Variants in BANK1 observed in about 807,000 individuals in gnomAD.
The protein encoded by BANK1 is B-cell scaffold protein with ankyrin repeats.
A neutral mutation model predicts 94.5 loss-of-function variants in BANK1; 95 were observed. That is an observed-to-expected ratio of 1.00 (90% confidence interval 0.85 to 1.19). BANK1 has a LOEUF of 1.19. Among genes scored for constraint, BANK1 ranks in the 50% most tolerant of loss-of-function variants. The pLI is 0.00. For missense variants in BANK1, 987 were observed against 932.2 expected (o/e 1.06, Z -0.77); for synonymous variants, 334 against 308.4 (o/e 1.08, Z -0.87).
At chr4:101,986,869 G>GTATA (rs1560668331) in intron 7 of BANK1, among the ~76,000 whole-genome samples, 1 of 26,910 alleles carries the variant, frequency 3.7e-5, no homozygotes, top group East Asian at 6.2e-4. Flanking sequence ...ATATATATGT[G>GTATA]TGTATGTGTG....
Position 101,895,475 on chromosome 4 carries a change from T to A in BANK1, c.1009+65T>A. 4.0e-6 allele frequency: 4 copies of A among 1,005,194 alleles called. No individual in the cohort carries two copies. In the South Asian group the frequency reaches 5.8e-5, roughly 15 times the overall value. 62.3% of individuals were successfully genotyped at this position (1,005,194 alleles called of 1,614,324 possible). On this transcript the variant is annotated intron_variant, in intron 6 of 16. Transcript: ENST00000322953. Reference sequence around the variant, plus strand: ...CATTCCATTCTATGTAACTCTTTAATGAATGTTATAACCAAAAATATAGGT... The same window carrying A: ...CATTCCATTCTATGTAACTCTTTAAAGAATGTTATAACCAAAAATATAGGT...
At chr4:101,867,153 C>A (rs1578366684) in intron 4 of BANK1, among the ~76,000 whole-genome samples, 4 of 34,128 alleles carry the variant, frequency 1.2e-4, no homozygotes, top group East Asian at 6.5e-4. Context: ...TACCCTAAAA[C>A]TTAGAGTATA....
intron 2 of BANK1, among the ~76,000 whole-genome samples, chr4:101,841,273 T>C (rs1186420101): frequency 6.6e-6 from 1 of 152,174 alleles, no homozygotes; most frequent in Non-Finnish European, 1.5e-5. Context: ...CCAGAGGCAG[T>C]CACTGTTAAC....
chr4:102,017,451 AC>A (rs1385948960), intron 7 of BANK1, among the ~76,000 whole-genome samples: 1 of 152,224 alleles, frequency 6.6e-6, no homozygotes, highest in African/African-American at 2.4e-5. Flanking sequence ...AGCTTTCAGC[AC>A]TGGGACCAGG....
chr4:102,065,916 C>T (rs753216096), intron 13 of BANK1, among the ~76,000 whole-genome samples: 1 of 151,832 alleles, frequency 6.6e-6, no homozygotes, highest in South Asian at 2.1e-4. Flanking sequence ...AGAGTCCCAG[C>T]GACATTTAGG....
intron 5 of BANK1, among the ~76,000 whole-genome samples, chr4:101,882,707 T>A (rs1056085142): frequency 6.6e-6 from 1 of 152,208 alleles, no homozygotes; most frequent in African/African-American, 2.4e-5. Flanking sequence ...ACAATGAAGA[T>A]GCTAGAATAT....
At chr4:101,836,304 A>G (rs919211338) in intron 2 of BANK1, among the ~76,000 whole-genome samples, 5 of 152,056 alleles carry the variant, frequency 3.3e-5, no homozygotes, top group African/African-American at 4.8e-5. Context: ...ACATGGTGAA[A>G]CCCAGTCTCT....
intron 7 of BANK1, among the ~76,000 whole-genome samples, chr4:101,959,762 A>G (rs1272114033): frequency 6.6e-6 from 1 of 152,174 alleles, no homozygotes; most frequent in East Asian, 1.9e-4. Flanking sequence ...AGGCTGGAGG[A>G]GCAGAGATTC....
chr4:102,069,082 G>GCTTATATTCCA (rs1728679086), intron 13 of BANK1, among the ~76,000 whole-genome samples: 1 of 152,066 alleles, frequency 6.6e-6, no homozygotes, highest in Non-Finnish European at 1.5e-5. Flanking sequence ...CAAAAAAAAT[G>GCTTATATTCCA]TATTATGGAT....
At chr4:101,979,745 T>C (rs892309452) in intron 7 of BANK1, among the ~76,000 whole-genome samples, 10 of 151,964 alleles carry the variant, frequency 6.6e-5, no homozygotes, top group Admixed American at 6.6e-4. Flanking sequence ...TATATTTTGA[T>C]AGGGACTGCC....
intron 2 of BANK1, among the ~76,000 whole-genome samples, chr4:101,850,733 A>G (rs1054434138): frequency 1.3e-5 from 2 of 152,148 alleles, no homozygotes; most frequent in East Asian, 1.9e-4. Flanking sequence ...TGATTCTTGC[A>G]CTATTTCAAA....
At chr4:102,003,768 A>G (rs892503897) in intron 7 of BANK1, among the ~76,000 whole-genome samples, 15 of 152,126 alleles carry the variant, frequency 9.9e-5, no homozygotes, top group African/African-American at 3.6e-4. Flanking sequence ...GGAAATATAC[A>G]TATGCATACA....
At chr4:101,931,888 C>A (rs1367008602) in intron 7 of BANK1, among the ~76,000 whole-genome samples, 1 of 151,326 alleles carries the variant, frequency 6.6e-6, no homozygotes, top group Non-Finnish European at 1.5e-5. Context: ...CAGAGAGGAG[C>A]AGAAACATGG....
chr4:102,012,346 T>C (rs1726537466), intron 7 of BANK1, among the ~76,000 whole-genome samples: 1 of 151,884 alleles, frequency 6.6e-6, no homozygotes, highest in African/African-American at 2.4e-5. Context: ...GAATTTACAA[T>C]TCACATTTTC....
chr4:101,912,751 C>T (rs1002072784), intron 6 of BANK1, among the ~76,000 whole-genome samples: 1 of 151,688 alleles, frequency 6.6e-6, no homozygotes, highest in African/African-American at 2.4e-5. Context: ...CCCTATAATA[C>T]ATATGGCAGT....
chr4:101,950,242 G>A (rs1249907240), intron 7 of BANK1, among the ~76,000 whole-genome samples: 1 of 152,038 alleles, frequency 6.6e-6, no homozygotes, highest in Non-Finnish European at 1.5e-5. Context: ...CTTTCTTGCA[G>A]TAGTAGCTCT....
intron 5 of BANK1, among the ~76,000 whole-genome samples, chr4:101,872,170 C>T (rs1728314286): frequency 6.6e-6 from 1 of 152,038 alleles, no homozygotes; most frequent in Non-Finnish European, 1.5e-5. Flanking sequence ...AGGAGAGAGC[C>T]ATTTTAAGTC....
chr4:102,013,227 T>C (rs1283319857), intron 7 of BANK1, among the ~76,000 whole-genome samples: 1 of 152,090 alleles, frequency 6.6e-6, no homozygotes, highest in Non-Finnish European at 1.5e-5. Context: ...CCTTAATCAA[T>C]TATTCGCTAT....
At chr4:101,889,644 A>G (rs979776671) in intron 5 of BANK1, among the ~76,000 whole-genome samples, 2 of 147,420 alleles carry the variant, frequency 1.4e-5, no homozygotes, top group African/African-American at 5.1e-5. Context: ...ACTTGTTACT[A>G]TAGTTTTTCT....
Sources: allele counts gnomAD v4.1 joint callset (sites outside exome capture counted in the v4.1 genomes callset), GRCh38; gene constraint gnomAD v4.1.1; transcripts MANE v1.5; gene names NCBI Gene and HGNC (gene_info 2026-07-23, HGNC 2026-07-21).